The following VSIG1 variants were observed in gnomAD, a reference collection of about 807,000 sequenced individuals.
VSIG1 encodes V-set and immunoglobulin domain-containing protein 1.
A neutral mutation model predicts 20.1 loss-of-function variants in VSIG1; 11 were observed. The observed-to-expected ratio is 0.55, with a 90% CI of 0.34 to 0.91. The LOEUF (loss-of-function observed/expected upper bound fraction) is 0.91. VSIG1 is among the 40% of genes least tolerant of loss of function. The pLI, the probability that VSIG1 is intolerant of heterozygous loss-of-function variation, is 0.02. For synonymous variants in VSIG1, 126 were observed against 116.7 expected, an observed-to-expected ratio of 1.08 and a Z score of -0.52; for missense variants, 283 against 298.8, an observed-to-expected ratio of 0.95 and a Z score of 0.39.
intron 1 of VSIG1, among the ~76,000 whole-genome samples, chrX:108,047,959 C>CATATATATATAT (rs1288556783): frequency 6.8e-5 from 1 of 14,808 alleles, no homozygotes; most frequent in Non-Finnish European, 1.2e-4. Flanking sequence ...TATATACACA[C>CATATATATATAT]ACATATATAT....
chrX:108,058,964 A>G lies in VSIG1; in HGVS notation c.213+763A>G, dbSNP rs769113765. ...TGTGTGTGTGTGCGCATGCATATGC[A>G]CGTGCGTGTGTGTGTTTGTGTGTTC... On this transcript the variant is annotated intron_variant, in intron 2 of 6. Transcript: ENST00000217957. 9.9e-5 allele frequency among the ~76,000 whole-genome samples: 11 copies of G among 110,934 alleles called. No homozygotes were observed. The South Asian group carries it at 4.2e-3, about 42-fold the overall frequency.
the VSIG1 span, among the ~76,000 whole-genome samples, chrX:108,025,531 G>A: frequency 1.8e-5 from 2 of 112,233 alleles, no homozygotes; most frequent in African/African-American, 6.5e-5. Flanking sequence ...TTCATACTGT[G>A]TGATCTCAAC....
chrX:108,047,453 T>C (rs2030606466), intron 1 of VSIG1, among the ~76,000 whole-genome samples: 1 of 111,129 alleles, frequency 9.0e-6, no homozygotes, highest in African/African-American at 3.3e-5. Flanking sequence ...AAAGATATGT[T>C]AATGTGGGTT....
chrX:108,020,500 A>C, the VSIG1 span, among the ~76,000 whole-genome samples: 1 of 111,506 alleles, frequency 9.0e-6, no homozygotes, highest in African/African-American at 3.3e-5. Flanking sequence ...TTAGGGTGTG[A>C]ATCACTGGTT....
At chrX:108,064,903 A>T in intron 2 of VSIG1, 1 of 240,430 alleles carries the variant, frequency 4.2e-6, no homozygotes, top group Non-Finnish European at 5.9e-6. Flanking sequence ...TAATCCTCTG[A>T]TGTATTGAAC....
chrX:108,071,806 C>A (rs2031250037), intron 3 of VSIG1, among the ~76,000 whole-genome samples: 1 of 106,714 alleles, frequency 9.4e-6, no homozygotes, highest in South Asian at 4.3e-4. Context: ...TAGCGTGCAC[C>A]CCCCAAATGG....
At chrX:108,019,002 G>C in the VSIG1 span, among the ~76,000 whole-genome samples, 5 of 111,967 alleles carry the variant, frequency 4.5e-5, no homozygotes, top group East Asian at 2.8e-4. Flanking sequence ...GGGGCCTCCA[G>C]GTGGCTTAAT....
the VSIG1 span, among the ~76,000 whole-genome samples, chrX:108,029,391 T>A: frequency 9.0e-6 from 1 of 111,584 alleles, no homozygotes; most frequent in Non-Finnish European, 1.9e-5. Context: ...GACATAAGTT[T>A]GCGGTGTGCT....
chrX:108,058,615 T>C (rs2030959496), intron 2 of VSIG1, among the ~76,000 whole-genome samples: 1 of 111,839 alleles, frequency 8.9e-6, no homozygotes, highest in African/African-American at 3.2e-5. Flanking sequence ...ATCTAGGATC[T>C]GGCTGTCAAG....
the VSIG1 span, among the ~76,000 whole-genome samples, chrX:108,039,474 C>T: frequency 2.7e-5 from 3 of 111,970 alleles, no homozygotes; most frequent in Non-Finnish European, 5.6e-5. Flanking sequence ...GGATTACAGA[C>T]GTGAGCTACC....
At chrX:108,060,698 G>A (rs2031001266) in intron 2 of VSIG1, among the ~76,000 whole-genome samples, 1 of 111,761 alleles carries the variant, frequency 8.9e-6, no homozygotes, top group Non-Finnish European at 1.9e-5. Flanking sequence ...TAGACAAGTC[G>A]TTTGACCTTT....
chrX:108,051,839 C>T (rs2030791601), intron 1 of VSIG1, among the ~76,000 whole-genome samples: 2 of 111,988 alleles, frequency 1.8e-5, no homozygotes, highest in South Asian at 3.7e-4. Context: ...TTTGCTACAG[C>T]ATGAATGAAC....
the VSIG1 span, among the ~76,000 whole-genome samples, chrX:108,035,141 C>G: frequency 8.9e-6 from 1 of 111,823 alleles, no homozygotes; most frequent in African/African-American, 3.3e-5. Context: ...CTCTGTTGCC[C>G]AGGCTGGAGT....
At chrX:108,024,652 C>G in the VSIG1 span, among the ~76,000 whole-genome samples, 3 of 110,323 alleles carry the variant, frequency 2.7e-5, no homozygotes, top group Non-Finnish European at 3.8e-5. Context: ...ATGTTTTCAT[C>G]TTCATCATCA....
chrX:108,055,034 A>G (rs2030866030), intron 1 of VSIG1, among the ~76,000 whole-genome samples: 1 of 110,109 alleles, frequency 9.1e-6, no homozygotes, highest in East Asian at 2.8e-4. Context: ...GCTTTTCTGA[A>G]AAAAAAATCA....
chrX:108,041,324 T>C (rs765782665), upstream of VSIG1, among the ~76,000 whole-genome samples: 11 of 111,101 alleles, frequency 9.9e-5, no homozygotes, highest in Non-Finnish European at 1.5e-4. Flanking sequence ...GTCAATAATA[T>C]TGAAAAACTG....
chrX:108,060,021 A>T (rs997032522), intron 2 of VSIG1, among the ~76,000 whole-genome samples: 5 of 111,665 alleles, frequency 4.5e-5, no homozygotes, highest in Non-Finnish European at 9.4e-5. Context: ...ACTGGGAGGG[A>T]GCTGCAGAGC....
At chrX:108,036,143 T>C in the VSIG1 span, among the ~76,000 whole-genome samples, 1 of 102,975 alleles carries the variant, frequency 9.7e-6, no homozygotes, top group African/African-American at 3.6e-5. Context: ...GTGAAATGCT[T>C]CAATTTCTTG....
At chrX:108,031,528 T>A in the VSIG1 span, among the ~76,000 whole-genome samples, 3 of 111,807 alleles carry the variant, frequency 2.7e-5, no homozygotes, top group South Asian at 7.6e-4. Context: ...TTAGTGGAGA[T>A]AACTCCTGCT....
Sources: allele counts gnomAD v4.1 joint callset (sites outside exome capture counted in the v4.1 genomes callset), GRCh38; gene constraint gnomAD v4.1.1; transcripts MANE v1.5; gene names NCBI Gene and HGNC (gene_info 2026-07-23, HGNC 2026-07-21).